DPP10: variants seen among roughly 807,000 people sequenced by gnomAD.
DPP10 encodes the protein dipeptidyl peptidase like 10.
A neutral mutation model predicts 120.9 loss-of-function variants in DPP10; 33 were observed. The ratio of observed to expected loss-of-function variants is 0.27; its 90% CI spans 0.21 to 0.37. DPP10 has a LOEUF of 0.37. Ranked by LOEUF, DPP10 falls within the 10% of genes least tolerant of loss-of-function variation. The probability of loss-of-function intolerance (pLI) is 1.00; values close to 1 mark genes in which losing one functional copy is unlikely to be tolerated. For missense variants in DPP10, 816 were observed against 942.8 expected (o/e 0.87, Z 1.76); for synonymous variants, 337 against 326.1 (o/e 1.03, Z -0.36).
chr2:115,270,845 T>A (rs1035574407), intron 1 of DPP10, among the ~76,000 whole-genome samples: 1 of 152,226 alleles, frequency 6.6e-6, no homozygotes, highest in Non-Finnish European at 1.5e-5. Context: ...TGTCAATTAT[T>A]TAGGATTGGA....
chr2:115,675,971 T>G (rs530166170), intron 5 of DPP10, among the ~76,000 whole-genome samples: 1 of 152,252 alleles, frequency 6.6e-6, no homozygotes, highest in African/African-American at 2.4e-5. Flanking sequence ...GTGACTGTTG[T>G]ACTGAAGCAC....
chr2:115,773,154 T>A (rs944098050), intron 13 of DPP10, among the ~76,000 whole-genome samples: 1 of 152,170 alleles, frequency 6.6e-6, no homozygotes, highest in African/African-American at 2.4e-5. Context: ...TCATCTCATG[T>A]GGTGAATAGA....
intron 21 of DPP10, among the ~76,000 whole-genome samples, chr2:115,821,666 A>G (rs190974651): frequency 4.0e-5 from 6 of 151,682 alleles, no homozygotes; most frequent in Non-Finnish European, 4.4e-5. Context: ...ATTTATTTGA[A>G]TTGATTATTT....
intron 1 of DPP10, among the ~76,000 whole-genome samples, chr2:114,649,201 A>G (rs543546578): frequency 6.6e-6 from 1 of 152,290 alleles, no homozygotes; most frequent in East Asian, 1.9e-4. Flanking sequence ...CTGTTAGAAA[A>G]CCTAGGAGGA....
intron 1 of DPP10, among the ~76,000 whole-genome samples, chr2:114,735,386 C>T (rs142412088): frequency 1.3e-5 from 2 of 152,172 alleles, no homozygotes; most frequent in Admixed American, 6.5e-5. Context: ...TGGGGTAGCC[C>T]TATTTTGGTT....
intron 1 of DPP10, among the ~76,000 whole-genome samples, chr2:114,670,875 A>T (rs1411157883): frequency 1.3e-5 from 2 of 152,160 alleles, no homozygotes; most frequent in African/African-American, 4.8e-5. Context: ...AGGAAAACAC[A>T]TCAATATAGA....
chr2:115,170,335 T>G (rs1034759735), intron 1 of DPP10, among the ~76,000 whole-genome samples: 3 of 152,188 alleles, frequency 2.0e-5, no homozygotes, highest in African/African-American at 7.2e-5. Context: ...GTCACAAATT[T>G]GCATTGATAA....
intron 5 of DPP10, chr2:115,579,995 C>T (rs2081924362): frequency 6.6e-6 from 1 of 152,092 alleles, no homozygotes; most frequent in South Asian, 2.1e-4. Flanking sequence ...CCTGGCAGGC[C>T]CCAGTGTGTG....
chr2:115,641,913 C>T (rs1180942572), intron 5 of DPP10, among the ~76,000 whole-genome samples: 1 of 152,100 alleles, frequency 6.6e-6, no homozygotes, highest in Non-Finnish European at 1.5e-5. Context: ...TGAAATGGAA[C>T]ATAGTAGTTG....
At chr2:115,814,111 C>CT (rs1183585434) in intron 19 of DPP10, among the ~76,000 whole-genome samples, 4 of 152,006 alleles carry the variant, frequency 2.6e-5, no homozygotes, top group South Asian at 2.1e-4. Context: ...AACATTCATG[C>CT]TTTATTATTT....
At chr2:115,683,523 G>A (rs541630261) in intron 5 of DPP10, among the ~76,000 whole-genome samples, 4 of 151,896 alleles carry the variant, frequency 2.6e-5, no homozygotes, top group South Asian at 2.1e-4. Flanking sequence ...GTTGATATAC[G>A]TTTATTGATT....
At chr2:115,774,713 A>T (rs1681888639) in intron 13 of DPP10, among the ~76,000 whole-genome samples, 1 of 152,148 alleles carries the variant, frequency 6.6e-6, no homozygotes, top group African/African-American at 2.4e-5. Context: ...CTAAGAACAT[A>T]AAATAGACTA....
chr2:114,585,629 G>C (rs570649792), intron 1 of DPP10, among the ~76,000 whole-genome samples: 1 of 152,142 alleles, frequency 6.6e-6, no homozygotes, highest in Admixed American at 6.5e-5. Context: ...GCAAGCTGTC[G>C]AGCTGGCAGA....
At chr2:114,546,366 A>C (rs1687398385) in intron 1 of DPP10, among the ~76,000 whole-genome samples, 1 of 152,062 alleles carries the variant, frequency 6.6e-6, no homozygotes, top group South Asian at 2.1e-4. Context: ...ATGAGAACTC[A>C]CTCACTATTG....
At chr2:114,903,186 T>G (rs1287548722) in intron 1 of DPP10, among the ~76,000 whole-genome samples, 1 of 152,220 alleles carries the variant, frequency 6.6e-6, no homozygotes, top group African/African-American at 2.4e-5. Flanking sequence ...ACAGTTGATT[T>G]ATCCATTTAC....
intron 1 of DPP10, among the ~76,000 whole-genome samples, chr2:114,824,139 A>T (rs868565727): frequency 6.6e-6 from 1 of 152,220 alleles, no homozygotes. Flanking sequence ...GTGTGGAATG[A>T]AGAGGGGAAT....
chr2:115,087,720 A>C (rs1708844055), intron 1 of DPP10, among the ~76,000 whole-genome samples: 2 of 151,230 alleles, frequency 1.3e-5, no homozygotes, highest in Non-Finnish European at 2.9e-5. Context: ...CGCCCAGCTA[A>C]TTTTGTATTT....
At chr2:115,534,356 C>T (rs976187082) in intron 5 of DPP10, among the ~76,000 whole-genome samples, 3 of 151,396 alleles carry the variant, frequency 2.0e-5, no homozygotes, top group Non-Finnish European at 4.4e-5. Flanking sequence ...TGAGAATATG[C>T]GGTGTTTGGT....
At chr2:115,228,903 G>T (rs1205393661) in intron 1 of DPP10, among the ~76,000 whole-genome samples, 1 of 152,016 alleles carries the variant, frequency 6.6e-6, no homozygotes, top group Non-Finnish European at 1.5e-5. Context: ...TGGTGGTGGG[G>T]TTGCTGGATC....
Sources: gnomAD v4.1 joint callset for allele counts (sites outside exome capture counted in the v4.1 genomes callset) on GRCh38, gnomAD v4.1.1 for gene constraint, MANE v1.5 for transcripts, NCBI Gene and HGNC (gene_info 2026-07-23, HGNC 2026-07-21) for gene names.